The following REEP1 variants were observed in gnomAD, a reference collection of about 807,000 sequenced individuals.
REEP1 encodes the protein receptor expression-enhancing protein 1.
In REEP1, 22 loss-of-function variants were observed where a neutral mutation model predicts 40.3. That is an observed-to-expected ratio of 0.55 (90% CI 0.39 to 0.78). The LOEUF (loss-of-function observed/expected upper bound fraction) is 0.78, where lower values mean the gene tolerates loss of function less well. REEP1 is among the 30% of genes least tolerant of loss of function. The pLI is 0.00. For missense variants in REEP1, 280 were observed against 361.1 expected (o/e 0.78, Z 1.82); for synonymous variants, 116 against 139.2 (o/e 0.83, Z 1.17).
At chr2:86,231,505 C>T (rs373442806) in intron 6 of REEP1, among the ~76,000 whole-genome samples, 1 of 152,210 alleles carries the variant, frequency 6.6e-6, no homozygotes, top group Non-Finnish European at 1.5e-5. Flanking sequence ...ATGGCTAAGA[C>T]CCCCGGGCAT....
At chr2:86,231,250 G>A (rs556498123) in intron 6 of REEP1, among the ~76,000 whole-genome samples, 4 of 152,280 alleles carry the variant, frequency 2.6e-5, no homozygotes, top group African/African-American at 9.6e-5. Context: ...GGTCCCTCGG[G>A]GGGTAACCCC....
In REEP1 at chr2:86,268,258, C is replaced by CA. The variant is rs559971419; in HGVS notation, c.106-4218dup. On this transcript the variant is annotated intron_variant, in intron 2 of 8. Transcript: ENST00000538924. ...ACGTAGAAAATCCCAAGGAACTCAC[C>CA]AAAAAAATCCTCCTGGGATTAATAA... Among the ~76,000 whole-genome samples, 826 of 152,044 alleles carry CA rather than the reference C, an allele frequency of 5.4e-3. 5 individuals carry two copies. Among genetic ancestry groups the CA allele is most frequent in the African/African-American group, 0.019 (770 of 41,474 alleles).
chr2:86,333,165 C>T (rs1000219655), intron 1 of REEP1, among the ~76,000 whole-genome samples: 1 of 152,218 alleles, frequency 6.6e-6, no homozygotes, highest in African/African-American at 2.4e-5. Context: ...TTCCTGCATG[C>T]CACATTTTAA....
At chr2:86,217,684 T>TTTTTTTTTTTTTTTTTTTTTTC (rs1553456158) in intron 8 of REEP1, among the ~76,000 whole-genome samples, 1 of 127,788 alleles carries the variant, frequency 7.8e-6, no homozygotes, top group Non-Finnish European at 1.7e-5. Context: ...TTTTTTTTTT[T>TTTTTTTTTTTTTTTTTTTTTTC]CAGATTTTGG....
chr2:86,253,004 G>A (rs190080394), intron 4 of REEP1, among the ~76,000 whole-genome samples: 10 of 152,268 alleles, frequency 6.6e-5, no homozygotes, highest in African/African-American at 1.4e-4. Flanking sequence ...TTTGTCGGCC[G>A]GGTGCAGTGG....
intron 8 of REEP1, among the ~76,000 whole-genome samples, chr2:86,218,920 C>A (rs192855627): frequency 6.6e-6 from 1 of 152,226 alleles, no homozygotes; most frequent in Non-Finnish European, 1.5e-5. Context: ...AGGGTCTGTA[C>A]GGAGACTTCC....
At chr2:86,315,115 A>G (rs1679933866) in intron 1 of REEP1, among the ~76,000 whole-genome samples, 2 of 152,030 alleles carry the variant, frequency 1.3e-5, no homozygotes, top group African/African-American at 4.8e-5. Context: ...AAGAGGGTGT[A>G]TCTAGCTCAG....
chr2:86,326,372 GTTC>G (rs934660458), intron 1 of REEP1, among the ~76,000 whole-genome samples: 2 of 152,196 alleles, frequency 1.3e-5, no homozygotes, highest in African/African-American at 4.8e-5. Context: ...ATTTTTAGTG[GTTC>G]TTCTCTCTCT....
chr2:86,314,930 C>T (rs549456758), intron 1 of REEP1, among the ~76,000 whole-genome samples: 2 of 152,072 alleles, frequency 1.3e-5, no homozygotes, highest in African/African-American at 4.8e-5. Flanking sequence ...TGAACTCAAG[C>T]TATCCACTCA....
intron 2 of REEP1, among the ~76,000 whole-genome samples, chr2:86,277,944 A>T (rs1181575938): frequency 1.3e-5 from 2 of 152,218 alleles, no homozygotes; most frequent in Non-Finnish European, 1.5e-5. Context: ...GATACAACTG[A>T]TCTCCCCATC....
intron 2 of REEP1, among the ~76,000 whole-genome samples, chr2:86,266,774 G>C (rs58996019): frequency 0.067 from 10,160 of 151,610 alleles, 520 homozygotes; most frequent in African/African-American, 0.13. Context: ...TTGGGAGGCC[G>C]AGGTGGGTGG....
chr2:86,332,609 C>T (rs776552255), intron 1 of REEP1, among the ~76,000 whole-genome samples: 27 of 152,092 alleles, frequency 1.8e-4, no homozygotes, highest in Admixed American at 1.0e-3. Context: ...AAAAAGATAG[C>T]GGGCTTCAGA....
At chr2:86,252,775 G>A (rs1676356145) in intron 4 of REEP1, among the ~76,000 whole-genome samples, 1 of 152,154 alleles carries the variant, frequency 6.6e-6, no homozygotes, top group African/African-American at 2.4e-5. Flanking sequence ...ACTGGATAAG[G>A]GAGATTGTTT....
At chr2:86,235,016 T>A (rs914342590) in intron 5 of REEP1, among the ~76,000 whole-genome samples, 2 of 152,182 alleles carry the variant, frequency 1.3e-5, no homozygotes, top group Non-Finnish European at 2.9e-5. Flanking sequence ...TAACTCAATG[T>A]TAGGTTAGTG....
At chr2:86,305,124 G>A (rs1319989748) in intron 1 of REEP1, among the ~76,000 whole-genome samples, 1 of 152,142 alleles carries the variant, frequency 6.6e-6, no homozygotes, top group Non-Finnish European at 1.5e-5. Flanking sequence ...TTAAAAGGGG[G>A]AAAGGAGAGA....
At chr2:86,311,342 A>G (rs942201621) in intron 1 of REEP1, among the ~76,000 whole-genome samples, 4 of 152,180 alleles carry the variant, frequency 2.6e-5, no homozygotes, top group Admixed American at 6.5e-5. Context: ...GGTAGTGGAC[A>G]CTGCATTAGT....
intron 7 of REEP1, among the ~76,000 whole-genome samples, chr2:86,226,550 C>T (rs12622691): frequency 0.085 from 12,639 of 148,476 alleles, 965 homozygotes; most frequent in East Asian, 0.21. Flanking sequence ...CTCACTGCAA[C>T]CTTGATTTCC....
In REEP1 at chr2:86,318,620, T is replaced by C. The variant is rs920943541; in HGVS notation, c.32+18859A>G. ...ACCATGTTAGCCAGGCTGGTCTCGA[T>C]CTCCTGACCTCAGGTGATCCACTTG... On this transcript the variant is annotated intron_variant, in intron 1 of 8. Transcript: ENST00000538924. Among the ~76,000 whole-genome samples, 6 of 152,104 alleles carry C rather than the reference T, an allele frequency of 3.9e-5. No individual in the cohort carries two copies. The East Asian group carries it at 1.2e-3, about 29-fold the overall frequency.
intron 1 of REEP1, among the ~76,000 whole-genome samples, chr2:86,308,744 A>C (rs1679619692): frequency 6.6e-6 from 1 of 152,190 alleles, no homozygotes; most frequent in Non-Finnish European, 1.5e-5. Flanking sequence ...TCTGTTCCTC[A>C]CTTGTAAAGT....
Sources: allele counts gnomAD v4.1 joint callset (sites outside exome capture counted in the v4.1 genomes callset), GRCh38; gene constraint gnomAD v4.1.1; transcripts MANE v1.5; gene names NCBI Gene and HGNC (gene_info 2026-07-23, HGNC 2026-07-21).